FBXL17: variants seen among roughly 807,000 people sequenced by gnomAD.
The protein encoded by FBXL17 is F-box and leucine rich repeat protein 17, also known as F-box/LRR-repeat protein 17.
A neutral mutation model predicts 66.2 loss-of-function variants in FBXL17; 22 were observed. That is an observed-to-expected ratio of 0.33 (90% CI 0.24 to 0.47). The LOEUF (loss-of-function observed/expected upper bound fraction) is 0.47. Ranked by LOEUF, FBXL17 falls within the 20% of genes least tolerant of loss-of-function variation. The probability of loss-of-function intolerance (pLI) is 1.00; values close to 1 mark genes in which losing one functional copy is unlikely to be tolerated. For synonymous variants in FBXL17, 474 were observed against 400.5 expected, an observed-to-expected ratio of 1.18 and a Z score of -2.19; for missense variants, 878 against 948.2, an observed-to-expected ratio of 0.93 and a Z score of 0.97.
chr5:108,330,979 G>A (rs866438898), intron 4 of FBXL17, among the ~76,000 whole-genome samples: 16 of 152,114 alleles, frequency 1.1e-4, no homozygotes, highest in African/African-American at 2.7e-4. Context: ...CTTGAACCCA[G>A]GAGGCGGAGG....
intron 6 of FBXL17, among the ~76,000 whole-genome samples, chr5:108,162,694 G>A (rs891559483): frequency 2.0e-5 from 3 of 152,148 alleles, no homozygotes; most frequent in African/African-American, 7.2e-5. Context: ...ACAACACTGG[G>A]CAAGTTATTT....
intron 1 of FBXL17, among the ~76,000 whole-genome samples, chr5:108,369,806 G>C (rs948693011): frequency 2.0e-5 from 3 of 151,964 alleles, no homozygotes; most frequent in African/African-American, 7.3e-5. Context: ...ATACTTTTCA[G>C]ACAATCAAAT....
chr5:108,300,956 C>T (rs895389780), intron 4 of FBXL17, among the ~76,000 whole-genome samples: 1 of 151,536 alleles, frequency 6.6e-6, no homozygotes, highest in Non-Finnish European at 1.5e-5. Context: ...GTTTAAAATG[C>T]AGTCTATAAT....
chr5:108,114,805 A>G (rs1750178926), intron 6 of FBXL17, among the ~76,000 whole-genome samples: 2 of 152,130 alleles, frequency 1.3e-5, no homozygotes, highest in Admixed American at 1.3e-4. Context: ...CATATTTATC[A>G]TTGGCTTGTG....
At chr5:108,134,014 G>T (rs920362563) in intron 6 of FBXL17, among the ~76,000 whole-genome samples, 2 of 152,076 alleles carry the variant, frequency 1.3e-5, no homozygotes, top group African/African-American at 2.4e-5. Context: ...GTAAGGTAAG[G>T]TTAAACATTG....
intron 7 of FBXL17, among the ~76,000 whole-genome samples, chr5:108,001,933 A>T (rs926467436): frequency 6.6e-6 from 1 of 152,180 alleles, no homozygotes; most frequent in Non-Finnish European, 1.5e-5. Flanking sequence ...TCTAATAACT[A>T]AAAATAAAAA....
At chr5:107,975,510 G>A (rs1055432406) in intron 7 of FBXL17, among the ~76,000 whole-genome samples, 5 of 151,816 alleles carry the variant, frequency 3.3e-5, no homozygotes, top group African/African-American at 4.8e-5. Context: ...TATTCTATAC[G>A]GTATTCAAGA....
chr5:107,917,966 T>C (rs1241312432), intron 7 of FBXL17, among the ~76,000 whole-genome samples: 4 of 152,250 alleles, frequency 2.6e-5, no homozygotes, highest in Non-Finnish European at 4.4e-5. Flanking sequence ...TGAGAAATAA[T>C]GGTTTAAATG....
chr5:108,295,220 G>A (rs1185106662), intron 4 of FBXL17, among the ~76,000 whole-genome samples: 1 of 151,564 alleles, frequency 6.6e-6, no homozygotes, highest in African/African-American at 2.4e-5. Flanking sequence ...ATTAATTTGT[G>A]ATATTTTACT....
At chr5:108,098,328 C>T (rs893391676) in intron 6 of FBXL17, among the ~76,000 whole-genome samples, 3 of 152,112 alleles carry the variant, frequency 2.0e-5, no homozygotes, top group Admixed American at 6.5e-5. Flanking sequence ...GATCATGCCA[C>T]TGTACTCCAG....
rs1262345267 is a variant in FBXL17 at position 108,244,015 on chromosome 5, T to C, written c.1507-19787A>G. 3.9e-5 allele frequency among the ~76,000 whole-genome samples: 6 copies of C among 152,100 alleles called. No individual in the cohort carries two copies. The South Asian group carries it at 8.3e-4, about 21-fold the overall frequency. On this transcript the variant is annotated intron_variant, in intron 4 of 8. Coordinates refer to ENST00000542267, the MANE Select transcript of FBXL17 (RefSeq NM_001163315.3). ...GAAAAGCCAGCTATGATAAAGGCAA[T>C]GTATTTAGACTTTCGAACTGTCTAT...
At chr5:108,243,304 T>G (rs1755944477) in intron 4 of FBXL17, among the ~76,000 whole-genome samples, 1 of 152,246 alleles carries the variant, frequency 6.6e-6, no homozygotes, top group African/African-American at 2.4e-5. Context: ...CTTTTATTTA[T>G]TGCAATTTAA....
intron 6 of FBXL17, among the ~76,000 whole-genome samples, chr5:108,118,904 A>C (rs911699899): frequency 5.3e-5 from 8 of 152,104 alleles, no homozygotes; most frequent in Middle Eastern, 3.2e-3. Flanking sequence ...CTCTTCTCCC[A>C]AAAAACTCCT....
chr5:107,879,903 C>T (rs935683898), intron 8 of FBXL17: 26 of 985,310 alleles, frequency 2.6e-5, no homozygotes, highest in African/African-American at 5.2e-5. Context: ...TCCAAAGACC[C>T]GGCATGAAGT....
intron 5 of FBXL17, among the ~76,000 whole-genome samples, chr5:108,223,621 G>C (rs1019918942): frequency 1.2e-4 from 18 of 152,116 alleles, no homozygotes; most frequent in Admixed American, 9.2e-4. Context: ...AGAACTGGCA[G>C]TTTGATCATT....
chr5:108,367,754 A>G, intron 2 of FBXL17, 77 bp downstream of exon 2: 1 of 1,266,998 alleles, frequency 7.9e-7, no homozygotes, highest in Non-Finnish European at 1.1e-6. Flanking sequence ...ACAAGAAGAC[A>G]GTAAAGATTT....
At chr5:108,132,274 C>G (rs1244308850) in intron 6 of FBXL17, among the ~76,000 whole-genome samples, 1 of 152,126 alleles carries the variant, frequency 6.6e-6, no homozygotes, top group African/African-American at 2.4e-5. Context: ...CCGTGCCCAG[C>G]CTGAAAGTCC....
intron 6 of FBXL17, among the ~76,000 whole-genome samples, chr5:108,133,978 T>C (rs1383061192): frequency 6.6e-6 from 1 of 152,148 alleles, no homozygotes; most frequent in Non-Finnish European, 1.5e-5. Context: ...TGTAATGTTC[T>C]AATACTACAA....
intron 6 of FBXL17, among the ~76,000 whole-genome samples, chr5:108,037,660 G>A (rs1461634814): frequency 6.6e-6 from 1 of 152,204 alleles, no homozygotes; most frequent in African/African-American, 2.4e-5. Context: ...CAGGCTTGCA[G>A]ACCTCAGCAA....
Sources: gnomAD v4.1 joint callset for allele counts (sites outside exome capture counted in the v4.1 genomes callset) on GRCh38, gnomAD v4.1.1 for gene constraint, MANE v1.5 for transcripts, NCBI Gene and HGNC (gene_info 2026-07-23, HGNC 2026-07-21) for gene names.